The following CALN1 variants were observed in gnomAD, a reference collection of about 807,000 sequenced individuals.
CALN1 encodes the protein calcium-binding protein 8.
A neutral mutation model predicts 30.6 loss-of-function variants in CALN1; 17 were observed. The ratio of observed to expected loss-of-function variants is 0.56; its 90% CI spans 0.38 to 0.83. CALN1 has a LOEUF of 0.83. Among genes scored for constraint, CALN1 ranks in the 40% least tolerant of loss-of-function variants. The probability of loss-of-function intolerance (pLI) is 0.00; values close to 1 mark genes in which losing one functional copy is unlikely to be tolerated. For synonymous variants in CALN1, 156 were observed against 131.4 expected (o/e 1.19, Z -1.28); for missense variants, 291 against 354.9 (o/e 0.82, Z 1.45).
chr7:72,002,515 A>G (rs1364978184), intron 5 of CALN1, among the ~76,000 whole-genome samples: 4 of 152,172 alleles, frequency 2.6e-5, no homozygotes, highest in South Asian at 2.1e-4. Context: ...TTGAACAACC[A>G]TAAGTCAGGA....
rs1290130520 is a variant in CALN1, at chr7:72,445,103, CACA to C, written c.-226+1936_-226+1938del. Among the ~76,000 whole-genome samples, 31 of 126,594 alleles carry C rather than the reference CACA, an allele frequency of 2.4e-4. 1 individual carries two copies. Among genetic ancestry groups the C allele is most frequent in the South Asian group, 1.5e-3 (6 of 4,118 alleles). The allele number at this position is 126,594 out of a possible 152,430, so 83.1% of individuals were successfully genotyped here. On this transcript the variant is annotated intron_variant, in intron 1 of 6. Coordinates refer to the CALN1 transcript ENST00000395276. ...ACACACACACACACACACACACACA[CACA>C]ACATTAAGTTGAAAAGAAAATTTGA...
At chr7:71,797,343 C>G (rs1302163377) in intron 6 of CALN1, among the ~76,000 whole-genome samples, 1 of 152,126 alleles carries the variant, frequency 6.6e-6, no homozygotes, top group Non-Finnish European at 1.5e-5. Flanking sequence ...GGTCTGGGAG[C>G]TATTTTTGCT....
chr7:72,110,656 C>CTTTT (rs111431336), intron 3 of CALN1, among the ~76,000 whole-genome samples: 1 of 139,766 alleles, frequency 7.2e-6, no homozygotes. Flanking sequence ...ACCTCACTAA[C>CTTTT]TTTTTTTTTT....
intron 5 of CALN1, among the ~76,000 whole-genome samples, chr7:71,949,720 T>G (rs1361976155): frequency 2.0e-5 from 3 of 151,522 alleles, no homozygotes; most frequent in Non-Finnish European, 4.4e-5. Context: ...GTAACAGGGC[T>G]CTCGAGCCCC....
chr7:71,930,808 G>A (rs1292508379), intron 5 of CALN1, among the ~76,000 whole-genome samples: 1 of 152,184 alleles, frequency 6.6e-6, no homozygotes, highest in East Asian at 1.9e-4. Context: ...GCTGTTTTCT[G>A]GGTCTCGAAA....
chr7:72,288,055 T>C (rs1798217205), intron 2 of CALN1, among the ~76,000 whole-genome samples: 1 of 151,864 alleles, frequency 6.6e-6, no homozygotes, highest in Non-Finnish European at 1.5e-5. Context: ...TCTCAGGTTC[T>C]GTGGGTCAGA....
chr7:72,324,009 C>T (rs571088672), intron 2 of CALN1, among the ~76,000 whole-genome samples: 2 of 152,248 alleles, frequency 1.3e-5, no homozygotes, highest in South Asian at 2.1e-4. Flanking sequence ...GCCTGGGTGA[C>T]AGAGTGAGAC....
chr7:71,998,581 T>G (rs894028918), intron 5 of CALN1, among the ~76,000 whole-genome samples: 3 of 151,834 alleles, frequency 2.0e-5, no homozygotes, highest in Non-Finnish European at 4.4e-5. Context: ...ATACTTTTTT[T>G]TTTTTTTTGA....
In CALN1 at chr7:71,895,702, C is replaced by G. The variant is rs758832155; in HGVS notation, c.502-85210G>C. ...TAATATACAGAAGAACAAAAATGAC[C>G]GTTTAAGGAAGAAATCTGAGAAGAA... On this transcript the variant is annotated intron_variant, in intron 5 of 6. Coordinates refer to ENST00000395275, the MANE Select transcript of CALN1 (RefSeq NM_031468.4). 2.0e-5 allele frequency among the ~76,000 whole-genome samples: 3 copies of G among 152,124 alleles called. No homozygotes were observed. In the East Asian group the frequency reaches 5.8e-4, roughly 29 times the overall value.
intron 5 of CALN1, among the ~76,000 whole-genome samples, chr7:71,838,534 C>A (rs1191406076): frequency 6.6e-6 from 1 of 152,106 alleles, no homozygotes; most frequent in African/African-American, 2.4e-5. Context: ...TCAAGTGATC[C>A]TTTTGTCTCA....
At chr7:71,910,774 C>CT (rs529600060) in intron 5 of CALN1, among the ~76,000 whole-genome samples, 3 of 152,212 alleles carry the variant, frequency 2.0e-5, no homozygotes, top group South Asian at 4.1e-4. Flanking sequence ...TTTCCTGCAC[C>CT]GTTTTTTTCT....
chr7:72,287,435 ATTTTTTTT>A lies in CALN1; in HGVS notation c.120-8633_120-8626del, dbSNP rs71069052. Among the ~76,000 whole-genome samples, 115 of 68,102 alleles carry A rather than the reference ATTTTTTTT, an allele frequency of 1.7e-3. No individual in the cohort carries two copies. The East Asian group carries it at 0.018, about 10-fold the overall frequency. The allele number at this position is 68,102 out of a possible 152,430, so 44.7% of individuals were successfully genotyped here. A position where few individuals can be genotyped will look rare whatever the true frequency, so the allele number is the denominator to read the frequency against. ...AAATCCATACACATACACCAAATTA[ATTTTTTTT>A]TTTTTTTTTTTTTTTTTTTTGAGAC... On this transcript the variant is annotated intron_variant, in intron 2 of 6. Transcript: ENST00000395275.
At chr7:71,952,818 TTC>T (rs1271712884) in intron 5 of CALN1, among the ~76,000 whole-genome samples, 2 of 152,152 alleles carry the variant, frequency 1.3e-5, no homozygotes, top group African/African-American at 4.8e-5. Context: ...CCTTCCTGCC[TTC>T]ACATTCAAAG....
At chr7:72,349,936 G>C (rs1006523948) in intron 2 of CALN1, among the ~76,000 whole-genome samples, 28 of 152,130 alleles carry the variant, frequency 1.8e-4, no homozygotes, top group Admixed American at 1.3e-4. Context: ...CTCTTTAGTT[G>C]AATTAGGTCC....
intron 5 of CALN1, among the ~76,000 whole-genome samples, chr7:71,995,243 G>A (rs1424620312): frequency 6.6e-6 from 1 of 152,082 alleles, no homozygotes. Flanking sequence ...GAAGAGAGAA[G>A]GGAAGACAGA....
chr7:72,334,319 G>A (rs1175868458), intron 2 of CALN1, among the ~76,000 whole-genome samples: 1 of 152,172 alleles, frequency 6.6e-6, no homozygotes, highest in East Asian at 1.9e-4. Flanking sequence ...AGACACCACT[G>A]CACACACCAC....
intron 3 of CALN1, among the ~76,000 whole-genome samples, chr7:72,158,907 G>A (rs890354358): frequency 2.0e-5 from 3 of 152,008 alleles, no homozygotes; most frequent in African/African-American, 7.2e-5. Context: ...GCCCAGATCC[G>A]AGTACAGTGG....
At chr7:72,244,299 C>T (rs764570811) in intron 3 of CALN1, among the ~76,000 whole-genome samples, 2 of 152,176 alleles carry the variant, frequency 1.3e-5, no homozygotes, top group African/African-American at 2.4e-5. Context: ...ATCCCTCAAA[C>T]TCTGATTATT....
At chr7:72,330,039 C>T (rs1801556392) in intron 2 of CALN1, among the ~76,000 whole-genome samples, 1 of 151,672 alleles carries the variant, frequency 6.6e-6, no homozygotes, top group Non-Finnish European at 1.5e-5. Flanking sequence ...ACCTGTAATC[C>T]CAGCACTTTG....
Sources: allele counts gnomAD v4.1 joint callset (sites outside exome capture counted in the v4.1 genomes callset), GRCh38; gene constraint gnomAD v4.1.1; transcripts MANE v1.5; gene names NCBI Gene and HGNC (gene_info 2026-07-23, HGNC 2026-07-21).